The following WWOX variants were observed in gnomAD, a reference collection of about 807,000 sequenced individuals.
WWOX encodes the protein WW domain-containing oxidoreductase.
Under a neutral mutation model 46.2 loss-of-function variants are expected in WWOX, and 69 were observed. The ratio of observed to expected loss-of-function variants is 1.49; its 90% CI spans 1.23 to 1.82. WWOX has a LOEUF of 1.82. WWOX is among the 40% of genes most tolerant of loss of function. The probability of loss-of-function intolerance (pLI) is 0.00; values close to 1 mark genes in which losing one functional copy is unlikely to be tolerated. For missense variants in WWOX, 919 were observed against 542.6 expected (o/e 1.69, Z -6.89); for synonymous variants, 359 against 202.6 (o/e 1.77, Z -6.56).
At chr16:78,635,208 G>C (rs963540786) in intron 8 of WWOX, among the ~76,000 whole-genome samples, 5 of 152,124 alleles carry the variant, frequency 3.3e-5, no homozygotes, top group Admixed American at 6.5e-5. Context: ...CTGGGGTCTG[G>C]CTCTGGGCTA....
intron 8 of WWOX, among the ~76,000 whole-genome samples, chr16:78,788,873 A>C (rs1056528257): frequency 1.3e-5 from 2 of 152,222 alleles, no homozygotes; most frequent in South Asian, 4.1e-4. Context: ...AGACAGTGTC[A>C]GGATTGAATT....
intron 6 of WWOX, among the ~76,000 whole-genome samples, chr16:78,419,928 T>C (rs2082883650): frequency 1.3e-5 from 2 of 152,030 alleles, no homozygotes; most frequent in Admixed American, 6.5e-5. Flanking sequence ...TAAAGAACTT[T>C]TACAATTCAA....
intron 8 of WWOX, among the ~76,000 whole-genome samples, chr16:78,739,008 A>T (rs1248042280): frequency 6.6e-6 from 1 of 152,162 alleles, no homozygotes; most frequent in Non-Finnish European, 1.5e-5. Context: ...ATAGAATTCA[A>T]CAACTAGAAG....
chr16:78,747,486 C>G (rs1007115690), intron 8 of WWOX, among the ~76,000 whole-genome samples: 2 of 152,128 alleles, frequency 1.3e-5, no homozygotes, highest in Non-Finnish European at 2.9e-5. Flanking sequence ...TGCCAGCGTT[C>G]TTAGCATCTC....
intron 8 of WWOX, among the ~76,000 whole-genome samples, chr16:79,061,489 C>T (rs2048356677): frequency 6.6e-6 from 1 of 152,128 alleles, no homozygotes; most frequent in Non-Finnish European, 1.5e-5. Flanking sequence ...TTGCAAAATG[C>T]AAATTTTACC....
chr16:78,391,812 G>A (rs1281333331), intron 6 of WWOX, among the ~76,000 whole-genome samples: 2 of 152,126 alleles, frequency 1.3e-5, no homozygotes, highest in Non-Finnish European at 2.9e-5. Context: ...GATCATGCCT[G>A]GGGGACAGTG....
chr16:78,723,060 A>C (rs371963163), intron 8 of WWOX, among the ~76,000 whole-genome samples: 7 of 152,180 alleles, frequency 4.6e-5, no homozygotes, highest in African/African-American at 1.7e-4. Context: ...AAATGATGTG[A>C]GGAAGCCAGG....
intron 8 of WWOX, among the ~76,000 whole-genome samples, chr16:78,474,303 C>T (rs1040596112): frequency 1.3e-5 from 2 of 152,154 alleles, no homozygotes; most frequent in African/African-American, 4.8e-5. Context: ...TTAGGAATCC[C>T]CTGCTTATTT....
chr16:78,753,385 A>T (rs1484052093), intron 8 of WWOX, among the ~76,000 whole-genome samples: 1 of 152,150 alleles, frequency 6.6e-6, no homozygotes, highest in Non-Finnish European at 1.5e-5. Flanking sequence ...AGGTACAAAG[A>T]CAATGAGTAA....
At chr16:78,845,210 C>G (rs2052267686) in intron 8 of WWOX, among the ~76,000 whole-genome samples, 1 of 146,198 alleles carries the variant, frequency 6.8e-6, no homozygotes, top group African/African-American at 2.5e-5. Context: ...CCATTCATAA[C>G]TGTGAAAAAA....
In WWOX at chr16:78,964,953, G is replaced by A. The variant is rs115725255; in HGVS notation, c.1057-246655G>A. The stretch of plus-strand genomic sequence containing the variant: ...AGCCTCCATGTGGTGTTGAGTGTGT[G>A]GGGGCACAGAAGTCAAGAATTGGGG... On this transcript the variant is annotated intron_variant, in intron 8 of 8. Coordinates refer to ENST00000566780, the MANE Select transcript of WWOX (RefSeq NM_016373.4). Among the ~76,000 whole-genome samples, 675 of 152,348 alleles carry A rather than the reference G, an allele frequency of 4.4e-3. 5 individuals carry two copies. The highest frequency in any genetic ancestry group is 0.015 in the African/African-American group (636 of 41,576).
At chr16:78,322,148 G>T (rs1371318128) in intron 5 of WWOX, among the ~76,000 whole-genome samples, 1 of 152,082 alleles carries the variant, frequency 6.6e-6, no homozygotes, top group Admixed American at 6.6e-5. Flanking sequence ...TGCCCTGCCA[G>T]GGGGATGGTT....
At chr16:78,825,585 A>C in intron 8 of WWOX, 1 of 534,570 alleles carries the variant, frequency 1.9e-6, no homozygotes, top group South Asian at 1.4e-5. Flanking sequence ...GCCCAGGTCG[A>C]GTCTGCAGTA....
intron 5 of WWOX, among the ~76,000 whole-genome samples, chr16:78,239,746 G>A (rs1279712300): frequency 1.3e-5 from 2 of 152,016 alleles, no homozygotes; most frequent in Admixed American, 1.3e-4. Context: ...TGTTGGCCAG[G>A]CTGGTCTCGA....
At chr16:78,963,980 AC>A (rs1358247107) in intron 8 of WWOX, among the ~76,000 whole-genome samples, 1 of 152,162 alleles carries the variant, frequency 6.6e-6, no homozygotes, top group Non-Finnish European at 1.5e-5. Flanking sequence ...TTCTCTTGCC[AC>A]CACCATGTAA....
At chr16:78,845,812 T>A (rs2052283759) in intron 8 of WWOX, among the ~76,000 whole-genome samples, 1 of 152,334 alleles carries the variant, frequency 6.6e-6, no homozygotes, top group South Asian at 2.1e-4. Flanking sequence ...CTGGCTTATG[T>A]GGGCACTTAA....
intron 5 of WWOX, among the ~76,000 whole-genome samples, chr16:78,293,327 A>T (rs186510532): frequency 1.3e-5 from 2 of 152,164 alleles, no homozygotes; most frequent in African/African-American, 4.8e-5. Flanking sequence ...TTAAGGGTTG[A>T]TTATCTTTGC....
intron 8 of WWOX, among the ~76,000 whole-genome samples, chr16:79,013,505 C>T (rs1366648961): frequency 6.6e-6 from 1 of 152,158 alleles, no homozygotes; most frequent in South Asian, 2.1e-4. Flanking sequence ...CATGAAGTCA[C>T]TCAAAGCTCA....
intron 8 of WWOX, among the ~76,000 whole-genome samples, chr16:78,685,200 G>C (rs3751880): frequency 6.6e-6 from 1 of 152,130 alleles, no homozygotes; most frequent in African/African-American, 2.4e-5. Flanking sequence ...AGGTCATCTT[G>C]TCCACCCTCA....
Sources: gnomAD v4.1 joint callset for allele counts (sites outside exome capture counted in the v4.1 genomes callset) on GRCh38, gnomAD v4.1.1 for gene constraint, MANE v1.5 for transcripts, NCBI Gene and HGNC (gene_info 2026-07-23, HGNC 2026-07-21) for gene names.